The following PDE1C variants were observed in gnomAD, a reference collection of about 807,000 sequenced individuals.
PDE1C encodes phosphodiesterase 1C.
Under a neutral mutation model 93.1 loss-of-function variants are expected in PDE1C, and 62 were observed. That is an observed-to-expected ratio of 0.67 (90% confidence interval 0.54 to 0.82). The LOEUF is 0.82. Ranked by LOEUF, PDE1C falls within the 40% of genes least tolerant of loss-of-function variation. PDE1C has a pLI of 0.00. For synonymous variants in PDE1C, 325 were observed against 310.1 expected (o/e 1.05, Z -0.50); for missense variants, 742 against 884.6 (o/e 0.84, Z 2.04).
At chr7:32,332,029 A>G (rs1783525898) in intron 1 of PDE1C, among the ~76,000 whole-genome samples, 1 of 152,218 alleles carries the variant, frequency 6.6e-6, no homozygotes, top group Non-Finnish European at 1.5e-5. Flanking sequence ...ATCGTAATCA[A>G]GGTAAACCAA....
rs114268260 is a variant in PDE1C, at chr7:32,097,383, G to T, written c.308+72402C>A. ...GATTTGGGGCTGTCAGAAGACCAAAGTGCCAAACAGCAAGTTGGAATGCCA... is the reference window on the plus strand; with the variant it reads ...GATTTGGGGCTGTCAGAAGACCAAATTGCCAAACAGCAAGTTGGAATGCCA... On this transcript the variant is annotated intron_variant, in intron 3 of 18. Transcript: ENST00000396193. Among the ~76,000 whole-genome samples the T allele has an allele frequency of 8.1e-3, 1,228 of 152,304 alleles. 15 individuals carry two copies. The highest frequency in any genetic ancestry group is 0.028 in the African/African-American group (1,159 of 41,560).
chr7:32,176,239 C>G (rs531640990), intron 2 of PDE1C, among the ~76,000 whole-genome samples: 8 of 151,862 alleles, frequency 5.3e-5, no homozygotes, highest in Non-Finnish European at 8.8e-5. Flanking sequence ...TATCCCAAAG[C>G]GAAAGATCTC....
the PDE1C span, among the ~76,000 whole-genome samples, chr7:31,708,663 C>A: frequency 6.6e-6 from 1 of 152,192 alleles, no homozygotes; most frequent in African/African-American, 2.4e-5. Context: ...TTTCCAGATT[C>A]TCTTCGAAAA....
intron 2 of PDE1C, among the ~76,000 whole-genome samples, chr7:31,975,785 C>T (rs1811589217): frequency 6.6e-6 from 1 of 152,146 alleles, no homozygotes; most frequent in South Asian, 2.1e-4. Flanking sequence ...AGTTGTGCCA[C>T]TTAGATATGA....
At chr7:32,263,373 C>CTG (rs373587004) in intron 1 of PDE1C, among the ~76,000 whole-genome samples, 63 of 150,700 alleles carry the variant, frequency 4.2e-4, no homozygotes, top group African/African-American at 5.8e-4. Flanking sequence ...GTCTGTGTGT[C>CTG]TGTGTGTGTG....
chr7:31,851,544 G>A (rs979491638), intron 7 of PDE1C, among the ~76,000 whole-genome samples: 1 of 152,064 alleles, frequency 6.6e-6, no homozygotes, highest in African/African-American at 2.4e-5. Context: ...ACTTCCTATC[G>A]CTTCTGTAAA....
chr7:31,828,263 C>T (rs561485246), intron 12 of PDE1C, 29 bp downstream of exon 12: 11 of 1,578,360 alleles, frequency 7.0e-6, no homozygotes, highest in South Asian at 6.7e-5. Context: ...TGCTTTGGTG[C>T]TTCTATCCAA....
At chr7:31,877,243 C>CA (rs1796706979) in intron 5 of PDE1C, among the ~76,000 whole-genome samples, 1 of 152,180 alleles carries the variant, frequency 6.6e-6, no homozygotes, top group Non-Finnish European at 1.5e-5. Flanking sequence ...CAAATACCCT[C>CA]AGACCAATGC....
chr7:32,183,740 G>C (rs932806123), intron 2 of PDE1C, among the ~76,000 whole-genome samples: 2 of 152,110 alleles, frequency 1.3e-5, no homozygotes, highest in Admixed American at 6.5e-5. Context: ...CATAGGCATG[G>C]GCAAGGACTT....
At chr7:31,685,031 T>C in the PDE1C span, among the ~76,000 whole-genome samples, 1 of 152,110 alleles carries the variant, frequency 6.6e-6, no homozygotes, top group African/African-American at 2.4e-5. Context: ...CCAACTGTGG[T>C]CCATTCTATG....
the PDE1C span, among the ~76,000 whole-genome samples, chr7:31,719,466 A>G: frequency 1.3e-5 from 2 of 152,330 alleles, no homozygotes; most frequent in Admixed American, 6.5e-5. Context: ...TTTGCAGCGC[A>G]GTCTATGTTG....
rs112802472 is a variant in PDE1C, at chr7:31,967,588, G to A, written c.128+83966C>T. ...CTATTCCAATCAATAAATAAAGAGGGAATCCTCCCTAACTCTTTTTATGAG... is the reference window on the plus strand; with the variant it reads ...CTATTCCAATCAATAAATAAAGAGGAAATCCTCCCTAACTCTTTTTATGAG... On this transcript the variant is annotated intron_variant, in intron 2 of 17. Transcript: ENST00000396191. Among the ~76,000 whole-genome samples, 655 of 152,228 alleles carry A rather than the reference G, an allele frequency of 4.3e-3. 21 individuals carry two copies. In the East Asian group the frequency reaches 0.074, roughly 17 times the overall value.
chr7:31,933,025 C>T (rs548751101), intron 2 of PDE1C, among the ~76,000 whole-genome samples: 7 of 151,918 alleles, frequency 4.6e-5, no homozygotes, highest in South Asian at 2.1e-4. Context: ...TGAGAATGAA[C>T]GGGCACAGGG....
At chr7:32,189,244 C>T (rs1228179564) in intron 2 of PDE1C, among the ~76,000 whole-genome samples, 1 of 152,186 alleles carries the variant, frequency 6.6e-6, no homozygotes, top group Non-Finnish European at 1.5e-5. Flanking sequence ...TTTTGAAGAA[C>T]TTCAACAGCA....
chr7:32,406,166 G>A (rs890185655), intron 1 of PDE1C, among the ~76,000 whole-genome samples: 3 of 152,132 alleles, frequency 2.0e-5, no homozygotes, highest in African/African-American at 4.8e-5. Context: ...GGACTAGCAC[G>A]TCGGTTTCAT....
intron 3 of PDE1C, among the ~76,000 whole-genome samples, chr7:32,139,662 G>T (rs1035733867): frequency 2.6e-5 from 4 of 152,098 alleles, no homozygotes; most frequent in East Asian, 3.9e-4. Context: ...AATTGATCCT[G>T]ATTGGTATAA....
intron 2 of PDE1C, among the ~76,000 whole-genome samples, chr7:31,884,137 C>G (rs1371949047): frequency 6.6e-6 from 1 of 152,114 alleles, no homozygotes; most frequent in Non-Finnish European, 1.5e-5. Flanking sequence ...GAACCTAGAA[C>G]AACCCGTCAC....
chr7:31,956,485 T>C (rs781744143), intron 2 of PDE1C, among the ~76,000 whole-genome samples: 1 of 147,008 alleles, frequency 6.8e-6, no homozygotes, highest in Non-Finnish European at 1.5e-5. Flanking sequence ...TTATTGTTCG[T>C]TTTGTTTTTT....
intron 2 of PDE1C, among the ~76,000 whole-genome samples, chr7:32,013,027 A>G (rs1004358358): frequency 2.6e-5 from 4 of 152,196 alleles, no homozygotes; most frequent in African/African-American, 9.7e-5. Flanking sequence ...TTAGTTTCTA[A>G]TGTCCTGTAA....
Sources: gnomAD v4.1 joint callset for allele counts (sites outside exome capture counted in the v4.1 genomes callset) on GRCh38, gnomAD v4.1.1 for gene constraint, MANE v1.5 for transcripts, NCBI Gene and HGNC (gene_info 2026-07-23, HGNC 2026-07-21) for gene names.